EPN2: variants seen among roughly 807,000 people sequenced by gnomAD.
EPN2 encodes the protein epsin 2.
In EPN2, 34 loss-of-function variants were observed where a neutral mutation model predicts 61.7. The observed-to-expected ratio is 0.55, with a 90% CI of 0.42 to 0.73. EPN2 has a LOEUF of 0.73. EPN2 is among the 30% of genes least tolerant of loss of function. The probability of loss-of-function intolerance (pLI) is 0.00; values close to 1 mark genes in which losing one functional copy is unlikely to be tolerated. For missense variants in EPN2, 714 were observed against 839.2 expected, an observed-to-expected ratio of 0.85 and a Z score of 1.84; for synonymous variants, 349 against 353.6, an observed-to-expected ratio of 0.99 and a Z score of 0.15.
At chr17:19,279,628 C>T (rs1176773804) in intron 1 of EPN2, among the ~76,000 whole-genome samples, 3 of 151,592 alleles carry the variant, frequency 2.0e-5, no homozygotes, top group South Asian at 2.1e-4. Context: ...TTAGTAGAGA[C>T]GGGGTTTCAC....
At chr17:19,255,877 C>CA (rs148298218) in intron 1 of EPN2, among the ~76,000 whole-genome samples, 5,098 of 152,062 alleles carry the variant, frequency 0.034, 345 homozygotes, top group South Asian at 0.19. Flanking sequence ...TCTGTCTCGG[C>CA]CCCCCAAAGT....
chr17:19,243,362 T>C (rs2044906714), intron 1 of EPN2, among the ~76,000 whole-genome samples: 2 of 147,752 alleles, frequency 1.4e-5, no homozygotes, highest in Non-Finnish European at 3.0e-5. Context: ...GGATTACAGG[T>C]GTGTGCTACC....
At chr17:19,332,918 C>A (rs1029786980) in intron 10 of EPN2, among the ~76,000 whole-genome samples, 1 of 152,242 alleles carries the variant, frequency 6.6e-6, no homozygotes, top group Admixed American at 6.5e-5. Context: ...ATGTAGGGAT[C>A]TGAGGATCTT....
In EPN2 at chr17:19,335,615, A is replaced by C; in HGVS notation, c.*1361A>C. ...TGGGCAACAGTCCCTAGGCTAAGAC[A>C]GGGGTGGGGGGCTAAGGGACCAGGG... is the stretch of plus-strand genomic sequence containing the variant. On this transcript the variant is annotated 3_prime_UTR_variant, in exon 11 of 11. Coordinates refer to ENST00000314728, the MANE Select transcript of EPN2 (RefSeq NM_014964.5). The C allele has an allele frequency of 5.2e-5, 28 of 533,876 alleles. No individual in the cohort carries two copies. Among genetic ancestry groups the C allele is most frequent in the Middle Eastern group, 2.9e-4 (1 of 3,450 alleles). The allele number at this position is 533,876 out of a possible 1,614,324, so 33.1% of individuals were successfully genotyped here.
rs1257352494 is a variant in EPN2, at chr17:19,290,712, A to AAAG, written c.766+4924_766+4925insGAA. Among the ~76,000 whole-genome samples, 8 of 80,120 alleles carry AAAG rather than the reference A, an allele frequency of 1.0e-4. 1 individual carries two copies. The highest frequency in any genetic ancestry group is 4.1e-4 in the African/African-American group (8 of 19,294). The allele number at this position is 80,120 out of a possible 152,430, so 52.6% of individuals were successfully genotyped here. A position where few individuals can be genotyped will look rare whatever the true frequency, so the allele number is the denominator to read the frequency against. ...GCATTCCCGTTCTCAAAAAAAAAAA[A>AAAG]AAAGAAAAAAAAAGAAAAAGGAAGG... On this transcript the variant is annotated intron_variant, in intron 4 of 10. Coordinates refer to ENST00000314728, the MANE Select transcript of EPN2 (RefSeq NM_014964.5).
At chr17:19,309,838 G>T (rs1226688388) in intron 4 of EPN2, 47 bp from the exon 5 acceptor site, 1 of 1,492,370 alleles carries the variant, frequency 6.7e-7, no homozygotes, top group Admixed American at 1.7e-5. Context: ...TGCAGGAGCT[G>T]TATCAGCCTT....
At chr17:19,315,413 C>T (rs1250097637) in intron 7 of EPN2, among the ~76,000 whole-genome samples, 2 of 152,178 alleles carry the variant, frequency 1.3e-5, no homozygotes, top group Admixed American at 1.3e-4. Context: ...TGGGCTGCTG[C>T]TTCACCTAGG....
At chr17:19,288,488 A>G (rs2045427019) in intron 4 of EPN2, among the ~76,000 whole-genome samples, 1 of 152,174 alleles carries the variant, frequency 6.6e-6, no homozygotes, top group African/African-American at 2.4e-5. Flanking sequence ...GAATGGATCA[A>G]GGATTGAAGG....
chr17:19,256,243 C>T (rs1474285317), intron 1 of EPN2, among the ~76,000 whole-genome samples: 1 of 151,924 alleles, frequency 6.6e-6, no homozygotes, highest in Non-Finnish European at 1.5e-5. Context: ...GGCCCCAGTC[C>T]TTCCTGTTGT....
chr17:19,308,431 A>T (rs1002039360), intron 4 of EPN2: 14 of 985,450 alleles, frequency 1.4e-5, no homozygotes, highest in Non-Finnish European at 1.7e-5. Flanking sequence ...GTAGTTGTCC[A>T]TCTGTCGACC....
intron 4 of EPN2, chr17:19,307,826 C>T (rs1049120299): frequency 2.5e-6 from 2 of 809,636 alleles, no homozygotes; most frequent in Non-Finnish European, 3.0e-6. Flanking sequence ...TGGATCCCGT[C>T]TGTGGCCTGA....
chr17:19,253,821 T>G (rs1846523363), intron 1 of EPN2, among the ~76,000 whole-genome samples: 1 of 152,194 alleles, frequency 6.6e-6, no homozygotes, highest in Non-Finnish European at 1.5e-5. Flanking sequence ...TTGACTCTAT[T>G]TATTGCAATA....
At chr17:19,297,587 G>A (rs2045532911) in intron 4 of EPN2, among the ~76,000 whole-genome samples, 1 of 152,190 alleles carries the variant, frequency 6.6e-6, no homozygotes, top group Admixed American at 6.5e-5. Flanking sequence ...GTGTGGTGCT[G>A]GGTGTGGGGG....
intron 7 of EPN2, among the ~76,000 whole-genome samples, chr17:19,318,928 G>T (rs1906516423): frequency 6.6e-6 from 1 of 152,116 alleles, no homozygotes; most frequent in African/African-American, 2.4e-5. Context: ...TGGGCATGGT[G>T]TCTCACGTCT....
chr17:19,275,999 G>GTGGT (rs2045301745), intron 1 of EPN2, among the ~76,000 whole-genome samples: 1 of 152,192 alleles, frequency 6.6e-6, no homozygotes, highest in African/African-American at 2.4e-5. Flanking sequence ...TTGACACTGT[G>GTGGT]TGGTTAACAA....
At chr17:19,260,752 C>G (rs1459085210) in intron 1 of EPN2, among the ~76,000 whole-genome samples, 1 of 151,996 alleles carries the variant, frequency 6.6e-6, no homozygotes, top group Non-Finnish European at 1.5e-5. Context: ...TGTCCTCCCT[C>G]CTCCCTGGTA....
chr17:19,316,511 G>C (rs1906389637), intron 7 of EPN2, among the ~76,000 whole-genome samples: 1 of 152,248 alleles, frequency 6.6e-6, no homozygotes, highest in Non-Finnish European at 1.5e-5. Context: ...ACTGCTGCAA[G>C]GCCCTTCTGT....
chr17:19,303,565 C>T (rs1905647090), intron 4 of EPN2, among the ~76,000 whole-genome samples: 2 of 152,200 alleles, frequency 1.3e-5, no homozygotes, highest in Admixed American at 1.3e-4. Flanking sequence ...ATTCTGTGCA[C>T]ATCAGCGTTT....
rs753092984 is a variant in EPN2, at chr17:19,283,101, TATAAC to T, written c.-17_-13del. On this transcript the variant is annotated 5_prime_UTR_variant, in exon 3 of 11. Transcript: ENST00000314728. This position sits in a 1 kb window ranked among gnomAD's most constrained non-coding sequence, Gnocchi z 7.0. ...TTCTCTGTTTGAAGGGCTTTAAACT[TATAAC>T]AAAGAAAATAAAAATGACGACTTCG... 2 of 1,590,464 alleles carry T rather than the reference TATAAC, an allele frequency of 1.3e-6. No homozygotes were observed. The highest frequency in any genetic ancestry group is 2.3e-5 in the South Asian group (2 of 88,652).
Sources: allele counts gnomAD v4.1 joint callset (sites outside exome capture counted in the v4.1 genomes callset), GRCh38; gene constraint gnomAD v4.1.1; non-coding constraint Gnocchi (gnomAD v3.1); transcripts MANE v1.5; gene names NCBI Gene and HGNC (gene_info 2026-07-23, HGNC 2026-07-21).